Variants in TCFL5 observed in about 807,000 individuals in gnomAD.
The protein encoded by TCFL5 is transcription factor like 5.
TCFL5 carries 9 observed loss-of-function variants against 44.3 expected under a neutral mutation model. The ratio of observed to expected loss-of-function variants is 0.20; its 90% CI spans 0.12 to 0.35. The LOEUF (loss-of-function observed/expected upper bound fraction) is 0.35. Ranked by LOEUF, TCFL5 falls within the 10% of genes least tolerant of loss-of-function variation. The pLI, the probability that TCFL5 is intolerant of heterozygous loss-of-function variation, is 1.00. For synonymous variants in TCFL5, 319 were observed against 271.6 expected (o/e 1.17, Z -1.72); for missense variants, 603 against 613.4 (o/e 0.98, Z 0.18).
chr20:62,849,178 G>A (rs1288714985), intron 5 of TCFL5, among the ~76,000 whole-genome samples: 3 of 151,372 alleles, frequency 2.0e-5, no homozygotes, highest in South Asian at 2.1e-4. Context: ...AAAAAAACAC[G>A]GAAGTATTTA....
At chr20:62,860,994 C>T in intron 1 of TCFL5, 30 bp downstream of exon 1, 1 of 992,324 alleles carries the variant, frequency 1.0e-6, no homozygotes, top group Non-Finnish European at 1.2e-6. Context: ...CCACCCGGGC[C>T]CCGCCAGCCC....
At position 62,861,016 on chromosome 20, in the gene TCFL5, G is replaced by T; in HGVS notation, c.647+8C>A. ...GGCCCCGCCAGCCCCCGGCCGCCGG[G>T]CACGCACTTGTTGAGCGCCCCGCCC... On this transcript the variant is annotated splice_region_variant and intron_variant, in intron 1 of 5. Coordinates refer to ENST00000335351, the MANE Select transcript of TCFL5 (RefSeq NM_006602.4). This position sits in a 1 kb window ranked among gnomAD's most constrained non-coding sequence, Gnocchi z 4.0. 3.0e-6 allele frequency: 3 copies of T among 993,744 alleles called. No homozygotes were observed. Among genetic ancestry groups the T allele is most frequent in the Non-Finnish European group, 3.6e-6 (3 of 836,436 alleles). The allele number at this position is 993,744 out of a possible 1,614,324, so 61.6% of individuals were successfully genotyped here. A position where few individuals can be genotyped will look rare whatever the true frequency, so the allele number is the denominator to read the frequency against.
At chr20:62,852,334 C>CG (rs2063820472) in intron 5 of TCFL5, 2 of 984,750 alleles carry the variant, frequency 2.0e-6, no homozygotes, top group African/African-American at 3.5e-5. Flanking sequence ...TCGGGTCCCC[C>CG]AAAGGCAGGG....
chr20:62,845,171 G>A, intron 5 of TCFL5: 1 of 978,260 alleles, frequency 1.0e-6, no homozygotes, highest in Non-Finnish European at 1.2e-6. Context: ...GCCCAGACTG[G>A]GGTGCAATGG....
rs1246790926 is a variant in TCFL5, at chr20:62,846,211, A to G, written c.1381-4114T>C. ...AGGAAGAAAATAATCATCCTCAGAC[A>G]TAACTAGGCGCTCGCAAGATCTTCT... On this transcript the variant is annotated intron_variant, in intron 5 of 5. Coordinates refer to ENST00000335351, the MANE Select transcript of TCFL5 (RefSeq NM_006602.4). The G allele has an allele frequency of 4.9e-6, 4 of 822,128 alleles. No homozygotes were observed. The South Asian group carries it at 6.5e-5, about 13-fold the overall frequency. The allele number at this position is 822,128 out of a possible 1,614,324, so 50.9% of individuals were successfully genotyped here. A position where few individuals can be genotyped will look rare whatever the true frequency, so the allele number is the denominator to read the frequency against.
chr20:62,851,796 C>T (rs1460023780), intron 5 of TCFL5: 1 of 985,292 alleles, frequency 1.0e-6, no homozygotes, highest in African/African-American at 1.7e-5. Flanking sequence ...TCTCTAGCCC[C>T]ACCATGACGT....
Position 62,841,261 on chromosome 20 carries a change from G to A in TCFL5, c.*714C>T, listed in dbSNP as rs1426759659. 7.0e-6 allele frequency: 1 copy of A among 142,068 alleles called. No homozygotes were observed. Among genetic ancestry groups the A allele is most frequent in the Non-Finnish European group, 1.5e-5 (1 of 64,940 alleles). The allele number at this position is 142,068 out of a possible 1,614,324, so 8.8% of individuals were successfully genotyped here. Reference sequence around the variant, plus strand: ...GCACTAACGTCTATTGCTATTACCTGTTGTGATTGATAAGTAAAGCCACTC... The same window carrying A: ...GCACTAACGTCTATTGCTATTACCTATTGTGATTGATAAGTAAAGCCACTC... On this transcript the variant is annotated 3_prime_UTR_variant, in exon 6 of 6. Coordinates refer to ENST00000335351, the MANE Select transcript of TCFL5 (RefSeq NM_006602.4).
chr20:62,841,891 G>C lies in TCFL5; in HGVS notation c.*84C>G, dbSNP rs567391490. 1 of 1,562,054 alleles carries C rather than the reference G, an allele frequency of 6.4e-7. No homozygotes were observed. The highest frequency in any genetic ancestry group is 8.7e-7 in the Non-Finnish European group (1 of 1,151,574). On this transcript the variant is annotated 3_prime_UTR_variant, in exon 6 of 6. Transcript: ENST00000335351. Reference sequence around the variant, plus strand: ...ACGCCCTTTTCGAGTCAGACTAGCCGAGCAGAGCTCCAGGGTTGCAGAAGG... The same window carrying C: ...ACGCCCTTTTCGAGTCAGACTAGCCCAGCAGAGCTCCAGGGTTGCAGAAGG...
Position 62,861,229 on chromosome 20 carries a change from C to T in TCFL5, c.442G>A (p.Asp148Asn). 1.7e-6 allele frequency: 2 copies of T among 1,165,068 alleles called. No individual in the cohort carries two copies. The highest frequency in any genetic ancestry group is 3.7e-4 in the Middle Eastern group (1 of 2,678). The allele number at this position is 1,165,068 out of a possible 1,614,324, so 72.2% of individuals were successfully genotyped here. Residue 148 changes from aspartate to asparagine, a missense_variant, in exon 1 of 6, where the codon GAC becomes AAC. By Grantham distance (23) the Asp-to-Asn change is conservative (BLOSUM62 1). This residue lies in a region of TCFL5 where 540 missense variants were observed against 478.7 expected (regional missense o/e 1.13). Coordinates refer to ENST00000335351, the MANE Select transcript of TCFL5 (RefSeq NM_006602.4). This position sits in a 1 kb window ranked among gnomAD's most constrained non-coding sequence, Gnocchi z 4.0. Reference protein sequence around the residue: ...GAAEKTSGGGDGARARADGAA... With the variant: ...GAAEKTSGGGNGARARADGAA... ...CCGTCGGCCCGGGCCCTCGCTCCGT[C>T]CCCGCCGCCCGACGTCTTCTCCGCC...
chr20:62,861,412 G>C lies in TCFL5; in HGVS notation c.259C>G (p.Pro87Ala). ...LNSALLAAAG[P>A]GAGAGGFAAG... ...GCGAAGCCGCCCGCGCCTGCGCCCGGGCCCGCCGCCGCCAGCAGCGCCGAG... is the reference window on the plus strand; with the variant it reads ...GCGAAGCCGCCCGCGCCTGCGCCCGCGCCCGCCGCCGCCAGCAGCGCCGAG... The change falls in exon 1 of 6, where the codon CCG becomes GCG. Residue 87 changes from proline to alanine, a missense_variant. Around this residue, in one of 4 missense-constraint regions of TCFL5, gnomAD observed 540 missense variants for 478.7 expected, o/e 1.13. Coordinates refer to ENST00000335351, the MANE Select transcript of TCFL5 (RefSeq NM_006602.4). The surrounding 1 kb of genome is among the most constrained non-coding windows in gnomAD (Gnocchi z 4.0). The C allele has an allele frequency of 1.8e-6, 2 of 1,115,626 alleles. No homozygotes were observed. The highest frequency in any genetic ancestry group is 2.2e-6 in the Non-Finnish European group (2 of 913,714). The allele number at this position is 1,115,626 out of a possible 1,614,324, so 69.1% of individuals were successfully genotyped here.
Position 62,860,259 on chromosome 20 carries a change from G to T in TCFL5, c.697C>A (p.Gln233Lys), listed in dbSNP as rs1009056791. Residue 233 changes from glutamine (Q) to lysine (K), a missense_variant, in exon 2 of 6, where the codon CAG (glutamine) becomes AAG (lysine). Physicochemically the swap from Gln to Lys is moderately conservative, Grantham distance 53. Coordinates refer to ENST00000335351, the MANE Select transcript of TCFL5 (RefSeq NM_006602.4). The stretch of plus-strand genomic sequence containing the variant: ...AATGCTGTACATTTGTTTTGTTGCT[G>T]AAGAGGAACATTCATTAGTTCAGAT... ...HPSELMNVPL[Q>K]QQNKCTALVK... is the part of the protein sequence containing the mutation. 1 of 1,613,654 alleles carries T rather than the reference G, an allele frequency of 6.2e-7. No individual in the cohort carries two copies.
intron 4 of TCFL5, 145 bp downstream of exon 4, chr20:62,857,250 G>T: frequency 1.7e-6 from 2 of 1,179,724 alleles, no homozygotes; most frequent in Admixed American, 2.2e-5. Flanking sequence ...GGGGATCCTT[G>T]ATCCATCTGG....
intron 3 of TCFL5, among the ~76,000 whole-genome samples, chr20:62,858,491 G>A: frequency 6.6e-6 from 1 of 152,166 alleles, no homozygotes. Context: ...ATTTTATAGG[G>A]AGGAAAAGGA....
intron 5 of TCFL5, among the ~76,000 whole-genome samples, chr20:62,847,308 A>C (rs1246894619): frequency 6.6e-6 from 1 of 152,248 alleles, no homozygotes; most frequent in Non-Finnish European, 1.5e-5. Flanking sequence ...ATTAGAAAAC[A>C]ACATAGACAA....
chr20:62,859,786 T>C (rs1430483260), intron 2 of TCFL5, among the ~76,000 whole-genome samples: 1 of 150,816 alleles, frequency 6.6e-6, no homozygotes, highest in African/African-American at 2.5e-5. Flanking sequence ...AGGGTCGCGA[T>C]GTCAGCCCAC....
At chr20:62,860,485 A>T (rs1285057815) in intron 1 of TCFL5, among the ~76,000 whole-genome samples, 177 bp from the exon 2 acceptor site, 2 of 152,184 alleles carry the variant, frequency 1.3e-5, no homozygotes, top group African/African-American at 4.8e-5. Flanking sequence ...CTTCCTATGG[A>T]GGAAAAGCAA....
chr20:62,852,990 T>G, intron 5 of TCFL5: 1 of 1,285,130 alleles, frequency 7.8e-7, no homozygotes, highest in Non-Finnish European at 1.0e-6. Context: ...TCGGCTGAAG[T>G]ACATTCACCC....
intron 5 of TCFL5, chr20:62,845,920 T>TGG: frequency 6.6e-7 from 1 of 1,508,518 alleles, no homozygotes; most frequent in Non-Finnish European, 8.9e-7. Context: ...TAAGGAAGCC[T>TGG]TCAGGAATCC....
Position 62,861,639 on chromosome 20 carries a change from G to C in TCFL5, c.32C>G (p.Pro11Arg), listed in dbSNP as rs1459341312. 1.0e-6 allele frequency: 1 copy of C among 979,794 alleles called. No individual in the cohort carries two copies. The highest frequency in any genetic ancestry group is 6.2e-5 in the Admixed American group (1 of 16,234). 60.7% of individuals were successfully genotyped at this position (979,794 alleles called of 1,614,324 possible). The change falls in exon 1 of 6, where the codon CCG becomes CGG. Residue 11 changes from proline (P) to arginine (R), a missense_variant. By Grantham distance (103) the Pro-to-Arg change is moderately radical (BLOSUM62 -2). This residue lies in a region of TCFL5 where 540 missense variants were observed against 478.7 expected (regional missense o/e 1.13). Coordinates refer to ENST00000335351, the MANE Select transcript of TCFL5 (RefSeq NM_006602.4). The surrounding 1 kb of genome is among the most constrained non-coding windows in gnomAD (Gnocchi z 4.0). ...CTCGCCGCCTGCCGCGCCTGCCTCC[G>C]GCGGCGGCTCCCGCGGTCCGGGGCC... MSGPGPREPP[P>R]EAGAAGGEAA...
Sources: allele counts gnomAD v4.1 joint callset (sites outside exome capture counted in the v4.1 genomes callset), GRCh38; gene constraint gnomAD v4.1.1; regional missense constraint gnomAD v4.1.1; non-coding constraint Gnocchi (gnomAD v3.1); transcripts MANE v1.5; gene names NCBI Gene and HGNC (gene_info 2026-07-23, HGNC 2026-07-21).